ATP6V0D2: variants seen among roughly 807,000 people sequenced by gnomAD.
The protein encoded by ATP6V0D2 is ATPase H+ transporting V0 subunit d2.
In ATP6V0D2, 40 loss-of-function variants were observed where a neutral mutation model predicts 40.0. That is an observed-to-expected ratio of 1.00 (90% CI 0.78 to 1.30). The LOEUF is 1.30. ATP6V0D2 is among the 50% of genes most tolerant of loss of function. ATP6V0D2 has a pLI of 0.00. For missense variants in ATP6V0D2, 470 were observed against 423.1 expected (o/e 1.11, Z -0.97); for synonymous variants, 179 against 156.3 (o/e 1.15, Z -1.08).
At chr8:86,118,445 G>C (rs993175973) in intron 2 of ATP6V0D2, among the ~76,000 whole-genome samples, 2 of 151,982 alleles carry the variant, frequency 1.3e-5, no homozygotes, top group Admixed American at 1.3e-4. Context: ...TTCCTAAAAA[G>C]TAAAAACCTT....
intron 5 of ATP6V0D2, among the ~76,000 whole-genome samples, chr8:86,148,348 A>T (rs1486216435): frequency 1.3e-5 from 2 of 152,170 alleles, no homozygotes; most frequent in Admixed American, 6.5e-5. Flanking sequence ...CAGCTCACAC[A>T]TAATCTCCAT....
chr8:86,139,936 A>G (rs1181559989), intron 3 of ATP6V0D2, among the ~76,000 whole-genome samples: 1 of 152,140 alleles, frequency 6.6e-6, no homozygotes, highest in Non-Finnish European at 1.5e-5. Context: ...CAAACTTTTC[A>G]CTTTATACCA....
At chr8:86,113,135 T>A (rs1418454221) in intron 1 of ATP6V0D2, among the ~76,000 whole-genome samples, 1 of 151,816 alleles carries the variant, frequency 6.6e-6, no homozygotes, top group Non-Finnish European at 1.5e-5. Flanking sequence ...TTGTTAGGTT[T>A]TTTTTTTTTT....
chr8:86,121,821 G>T (rs1447648735), intron 2 of ATP6V0D2, among the ~76,000 whole-genome samples: 1 of 152,110 alleles, frequency 6.6e-6, no homozygotes, highest in East Asian at 1.9e-4. Flanking sequence ...AAATGCCCGA[G>T]ACAACGTTAT....
intron 2 of ATP6V0D2, among the ~76,000 whole-genome samples, chr8:86,125,110 T>G (rs1818722598): frequency 6.6e-6 from 1 of 152,042 alleles, no homozygotes; most frequent in South Asian, 2.1e-4. Flanking sequence ...TGTTGTTGGG[T>G]TGCTGATGCC....
chr8:86,135,639 T>C (rs960113272), intron 2 of ATP6V0D2, among the ~76,000 whole-genome samples: 1 of 152,236 alleles, frequency 6.6e-6, no homozygotes, highest in Non-Finnish European at 1.5e-5. Context: ...TTAAAGATTT[T>C]TTAATATCCT....
intron 1 of ATP6V0D2, among the ~76,000 whole-genome samples, chr8:86,109,256 T>G (rs1818505643): frequency 6.6e-6 from 1 of 152,202 alleles, no homozygotes; most frequent in African/African-American, 2.4e-5. Context: ...CATAAAGTCT[T>G]ATTACTCACA....
intron 2 of ATP6V0D2, among the ~76,000 whole-genome samples, chr8:86,131,862 A>G (rs962988870): frequency 6.6e-6 from 1 of 150,852 alleles, no homozygotes; most frequent in African/African-American, 2.5e-5. Context: ...ATTAAAACCT[A>G]TCTTAGTGAA....
At chr8:86,105,616 C>CTTTTTTTTTTTTTTTTTTT (rs1401385712) in intron 1 of ATP6V0D2, among the ~76,000 whole-genome samples, 3 of 131,170 alleles carry the variant, frequency 2.3e-5, no homozygotes, top group Non-Finnish European at 3.2e-5. Context: ...CTTCTTTTTT[C>CTTTTTTTTTTTTTTTTTTT]TTTTCTTTTT....
At chr8:86,100,431 G>GA (rs1317057525) in intron 1 of ATP6V0D2, among the ~76,000 whole-genome samples, 15 of 152,202 alleles carry the variant, frequency 9.9e-5, no homozygotes, top group Non-Finnish European at 1.0e-4. Context: ...ACGAACCAAT[G>GA]AACCTTCTAA....
chr8:86,123,088 G>C (rs2130250760), intron 2 of ATP6V0D2, among the ~76,000 whole-genome samples: 1 of 152,270 alleles, frequency 6.6e-6, no homozygotes, highest in Non-Finnish European at 1.5e-5. Flanking sequence ...GTGATAGAGT[G>C]GTTGAACACT....
intron 2 of ATP6V0D2, among the ~76,000 whole-genome samples, chr8:86,116,539 G>A (rs150035869): frequency 6.6e-6 from 1 of 152,172 alleles, no homozygotes; most frequent in East Asian, 1.9e-4. Context: ...GCATAGAATT[G>A]GCTATATGTG....
At chr8:86,132,473 C>A (rs765652417) in intron 2 of ATP6V0D2, among the ~76,000 whole-genome samples, 4 of 152,050 alleles carry the variant, frequency 2.6e-5, no homozygotes, top group African/African-American at 4.8e-5. Flanking sequence ...TCCTCCTCTC[C>A]CCCTCCCTAC....
intron 2 of ATP6V0D2, 77 bp from the exon 3 acceptor site, chr8:86,139,380 T>A: frequency 8.1e-7 from 1 of 1,230,610 alleles, no homozygotes; most frequent in South Asian, 1.5e-5. Context: ...ACCTAAAGAG[T>A]GTGTGTTTTT....
intron 1 of ATP6V0D2, among the ~76,000 whole-genome samples, chr8:86,113,162 T>C (rs1818547029): frequency 6.6e-6 from 1 of 151,460 alleles, no homozygotes; most frequent in Non-Finnish European, 1.5e-5. Context: ...TGCTAAATAA[T>C]ACCAGATTTC....
At chr8:86,151,751 C>CTT (rs1563568384) in intron 7 of ATP6V0D2, among the ~76,000 whole-genome samples, 4 of 89,042 alleles carry the variant, frequency 4.5e-5, no homozygotes, top group Non-Finnish European at 7.1e-5. Context: ...TGTAGCTTTT[C>CTT]TTTCTTTTTT....
chr8:86,099,169 T>C, intron 1 of ATP6V0D2, 61 bp downstream of exon 1: 1 of 1,486,322 alleles, frequency 6.7e-7, no homozygotes, highest in South Asian at 1.4e-5. Flanking sequence ...GATGTCCCTC[T>C]CCAGAAGCAT....
At chr8:86,116,080 AAAAG>A (rs1818588644) in intron 2 of ATP6V0D2, among the ~76,000 whole-genome samples, 1 of 152,214 alleles carries the variant, frequency 6.6e-6, no homozygotes, top group Non-Finnish European at 1.5e-5. Context: ...CTTTAAGAAA[AAAAG>A]AAAAGTAATT....
chr8:86,105,499 T>G (rs1818457594), intron 1 of ATP6V0D2, among the ~76,000 whole-genome samples: 1 of 152,110 alleles, frequency 6.6e-6, no homozygotes, highest in South Asian at 2.1e-4. Context: ...GGTTTATTCA[T>G]GTTGCGCAGG....
Sources: allele counts gnomAD v4.1 joint callset (sites outside exome capture counted in the v4.1 genomes callset), GRCh38; gene constraint gnomAD v4.1.1; transcripts MANE v1.5; gene names NCBI Gene and HGNC (gene_info 2026-07-23, HGNC 2026-07-21).